PCDH15: variants seen among roughly 807,000 people sequenced by gnomAD.
PCDH15 encodes protocadherin related 15.
PCDH15 carries 129 observed loss-of-function variants against 178.5 expected under a neutral mutation model. That is an observed-to-expected ratio of 0.72 (90% CI 0.63 to 0.84). The LOEUF (loss-of-function observed/expected upper bound fraction) is 0.84, where lower values mean the gene tolerates loss of function less well. Ranked by LOEUF, PCDH15 falls within the 40% of genes least tolerant of loss-of-function variation. The probability of loss-of-function intolerance (pLI) is 0.00; values close to 1 mark genes in which losing one functional copy is unlikely to be tolerated. For missense variants in PCDH15, 2,230 were observed against 2,099.9 expected (o/e 1.06, Z -1.21); for synonymous variants, 800 against 732.0 (o/e 1.09, Z -1.50).
intron 1 of PCDH15, among the ~76,000 whole-genome samples, chr10:54,765,072 A>G (rs1191891540): frequency 1.3e-5 from 2 of 152,170 alleles, no homozygotes; most frequent in Admixed American, 6.5e-5. Flanking sequence ...TTGAAAAGAA[A>G]TTACCCACAA....
rs1474333544 is a variant in PCDH15 at position 55,442,461 on chromosome 10, A to ATATATAT, written c.-156+185157_-156+185163dup. Among the ~76,000 whole-genome samples, 659 of 72,360 alleles carry ATATATAT rather than the reference A, an allele frequency of 9.1e-3. 8 individuals carry two copies. Among genetic ancestry groups the ATATATAT allele is most frequent in the African/African-American group, 0.036 (629 of 17,302 alleles). 47.5% of individuals were successfully genotyped at this position (72,360 alleles called of 152,430 possible). On this transcript the variant is annotated intron_variant, in intron 2 of 5. Transcript: ENST00000613346. ...AGATGTTTTCTTAATTTGATTATAT[A>ATATATAT]TATATATATTATATATATATTATAT...
At chr10:55,126,544 G>A (rs1837904996) in intron 2 of PCDH15, among the ~76,000 whole-genome samples, 1 of 151,982 alleles carries the variant, frequency 6.6e-6, no homozygotes. Context: ...GACAGGTTTA[G>A]TTAGAAAATA....
chr10:54,341,612 C>T (rs899189358), intron 6 of PCDH15, among the ~76,000 whole-genome samples: 3 of 152,098 alleles, frequency 2.0e-5, no homozygotes, highest in African/African-American at 7.2e-5. Flanking sequence ...ATAGAAGCAA[C>T]TTTGGAACTG....
chr10:53,885,958 G>A (rs2081063359), intron 26 of PCDH15, among the ~76,000 whole-genome samples: 1 of 152,292 alleles, frequency 6.6e-6, no homozygotes, highest in East Asian at 1.9e-4. Flanking sequence ...ATTCTGGAAA[G>A]AGAGGCCCAG....
At chr10:55,522,242 A>G (rs1841192475) in intron 2 of PCDH15, among the ~76,000 whole-genome samples, 1 of 151,908 alleles carries the variant, frequency 6.6e-6, no homozygotes, top group Admixed American at 6.6e-5. Context: ...CAGTCATTCT[A>G]ACAGATGGGA....
intron 18 of PCDH15, among the ~76,000 whole-genome samples, chr10:54,059,104 C>T (rs1179194013): frequency 3.4e-4 from 51 of 152,168 alleles, no homozygotes; most frequent in Admixed American, 3.3e-3. Context: ...CTCTCTATTT[C>T]CATGAGAACA....
rs115021832 is a variant in PCDH15 at position 54,922,483 on chromosome 10, C to T, written c.-79-24983G>A. ...CAGGCTCATATGTGGAAAGGAGTTG[C>T]CTTGTCTCAGATAAGATTTTGGACT... On this transcript the variant is annotated intron_variant, in intron 2 of 5. Coordinates refer to the PCDH15 transcript ENST00000458638. Among the ~76,000 whole-genome samples, 1,248 of 151,940 alleles carry T rather than the reference C, an allele frequency of 8.2e-3. 13 individuals carry two copies. The highest frequency in any genetic ancestry group is 0.029 in the African/African-American group (1,190 of 41,448).
intron 2 of PCDH15, among the ~76,000 whole-genome samples, chr10:55,354,891 A>G: frequency 6.6e-6 from 1 of 152,020 alleles, no homozygotes; most frequent in East Asian, 1.9e-4. Context: ...ACTCAGGCTT[A>G]CCCTTTGTAG....
chr10:53,950,242 T>C (rs1040951641), intron 23 of PCDH15, among the ~76,000 whole-genome samples: 21 of 152,144 alleles, frequency 1.4e-4, no homozygotes, highest in South Asian at 4.1e-4. Flanking sequence ...TTTAGCAATA[T>C]ATCAACTTAA....
intron 1 of PCDH15, among the ~76,000 whole-genome samples, chr10:54,798,658 T>G (rs1053600983): frequency 6.6e-6 from 1 of 152,100 alleles, no homozygotes; most frequent in Admixed American, 6.6e-5. Flanking sequence ...AACTTTTAGA[T>G]AATAAATATG....
chr10:53,817,254 A>G (rs1319948827), intron 34 of PCDH15, among the ~76,000 whole-genome samples: 2 of 152,144 alleles, frequency 1.3e-5, no homozygotes, highest in Non-Finnish European at 2.9e-5. Context: ...GCTAAATCAA[A>G]CTAGGTTCGC....
At chr10:54,814,828 C>A (rs1406597381) in intron 3 of PCDH15, among the ~76,000 whole-genome samples, 1 of 152,042 alleles carries the variant, frequency 6.6e-6, no homozygotes, top group Non-Finnish European at 1.5e-5. Context: ...CATAAATGGC[C>A]AAATATGTTT....
chr10:54,800,370 GTAAA>G (rs1258455432), intron 1 of PCDH15, among the ~76,000 whole-genome samples: 1 of 152,140 alleles, frequency 6.6e-6, no homozygotes, highest in Non-Finnish European at 1.5e-5. Flanking sequence ...CACAAAGGAA[GTAAA>G]TATTCTAATA....
chr10:53,821,299 T>C lies in PCDH15; in HGVS notation c.4368-1069A>G, dbSNP rs183907029. The C allele has an allele frequency of 2.0e-5, 20 of 986,756 alleles. No individual in the cohort carries two copies. The East Asian group carries it at 9.0e-4, about 44-fold the overall frequency. 61.1% of individuals were successfully genotyped at this position (986,756 alleles called of 1,614,324 possible). On this transcript the variant is annotated intron_variant, in intron 32 of 37. Transcript: ENST00000644397. ...TCAGAAAACAGATGACTACATGTTA[T>C]AGCACCTGAGATTTATTTTGAAATA...
chr10:54,770,119 A>G (rs972289203), intron 1 of PCDH15, among the ~76,000 whole-genome samples: 1 of 152,152 alleles, frequency 6.6e-6, no homozygotes, highest in African/African-American at 2.4e-5. Context: ...TCCATTACTG[A>G]AGAAAGTTCT....
intron 13 of PCDH15, among the ~76,000 whole-genome samples, chr10:54,180,379 T>TA (rs753854166): frequency 6.6e-6 from 1 of 152,200 alleles, no homozygotes; most frequent in Non-Finnish European, 1.5e-5. Flanking sequence ...ATACTGTACT[T>TA]AAAAAATTGA....
At chr10:54,181,509 C>T (rs546947861) in intron 13 of PCDH15, among the ~76,000 whole-genome samples, 4 of 152,136 alleles carry the variant, frequency 2.6e-5, no homozygotes, top group South Asian at 2.1e-4. Flanking sequence ...GAGTATAGTA[C>T]ACAATAGTTA....
chr10:55,371,640 G>T (rs937866344), intron 2 of PCDH15, among the ~76,000 whole-genome samples: 7 of 151,976 alleles, frequency 4.6e-5, no homozygotes, highest in South Asian at 2.1e-4. Flanking sequence ...CCATGGTAAA[G>T]ACATGCTTGC....
chr10:54,953,429 T>C (rs527750515), intron 2 of PCDH15, among the ~76,000 whole-genome samples: 13 of 151,518 alleles, frequency 8.6e-5, no homozygotes, highest in Non-Finnish European at 1.6e-4. Context: ...TAGTATTTTG[T>C]TGAGAGTACA....
Sources: allele counts gnomAD v4.1 joint callset (sites outside exome capture counted in the v4.1 genomes callset), GRCh38; gene constraint gnomAD v4.1.1; transcripts MANE v1.5; gene names NCBI Gene and HGNC (gene_info 2026-07-23, HGNC 2026-07-21).